The following PDSS1 variants were observed in gnomAD, a reference collection of about 807,000 sequenced individuals.
PDSS1 encodes decaprenyl diphosphate synthase subunit 1, also known as all trans-polyprenyl-diphosphate synthase PDSS1.
A neutral mutation model predicts 57.5 loss-of-function variants in PDSS1; 43 were observed. The ratio of observed to expected loss-of-function variants is 0.75; its 90% confidence interval spans 0.59 to 0.96. The LOEUF (loss-of-function observed/expected upper bound fraction) is 0.96, where lower values mean the gene tolerates loss of function less well. Among genes scored for constraint, PDSS1 ranks in the 50% least tolerant of loss-of-function variants. The pLI is 0.00. For missense variants in PDSS1, 438 were observed against 527.8 expected (o/e 0.83, Z 1.67); for synonymous variants, 175 against 191.3 (o/e 0.91, Z 0.70).
chr10:26,731,031 A>AC (rs1275602393), intron 8 of PDSS1, among the ~76,000 whole-genome samples: 1 of 151,772 alleles, frequency 6.6e-6, no homozygotes, highest in Non-Finnish European at 1.5e-5. Context: ...ACATGGTGAA[A>AC]CCCCTTCTCC....
At position 26,746,585 on chromosome 10, in the gene PDSS1, T is replaced by C; in HGVS notation, c.*112T>C. On this transcript the variant is annotated 3_prime_UTR_variant, in exon 12 of 12. Transcript: ENST00000376215. ...GATAACCAAAAATCATTTTAAAAGA[T>C]ATCAAACTTATTGATGGGCAATTTA... The C allele has an allele frequency of 1.7e-6, 2 of 1,157,150 alleles. No homozygotes were observed. The highest frequency in any genetic ancestry group is 1.9e-5 in the Admixed American group (1 of 52,412). 71.7% of individuals were successfully genotyped at this position (1,157,150 alleles called of 1,614,324 possible). A position where few individuals can be genotyped will look rare whatever the true frequency, so the allele number is the denominator to read the frequency against.
intron 6 of PDSS1, among the ~76,000 whole-genome samples, chr10:26,722,205 T>C (rs2132265054): frequency 6.6e-6 from 1 of 152,318 alleles, no homozygotes; most frequent in Non-Finnish European, 1.5e-5. Flanking sequence ...TGGGTACCTA[T>C]ATATCATAAT....
At chr10:26,743,323 G>A (rs1836693956) in intron 11 of PDSS1, among the ~76,000 whole-genome samples, 1 of 152,132 alleles carries the variant, frequency 6.6e-6, no homozygotes, top group African/African-American at 2.4e-5. Flanking sequence ...GAGTCGGAGT[G>A]AGCAAAAAAT....
intron 8 of PDSS1, among the ~76,000 whole-genome samples, chr10:26,726,816 C>T (rs1292668188): frequency 6.6e-6 from 1 of 152,148 alleles, no homozygotes; most frequent in African/African-American, 2.4e-5. Flanking sequence ...AATCCTAACA[C>T]TTTAGGAGGC....
intron 1 of PDSS1, among the ~76,000 whole-genome samples, chr10:26,699,384 T>G (rs534471866): frequency 1.4e-4 from 19 of 135,866 alleles, no homozygotes; most frequent in South Asian, 1.0e-3. Flanking sequence ...ACTACATGCT[T>G]CTTCTTCTTC....
intron 8 of PDSS1, among the ~76,000 whole-genome samples, chr10:26,727,542 C>T (rs1448558966): frequency 6.7e-6 from 1 of 149,896 alleles, no homozygotes; most frequent in Non-Finnish European, 1.5e-5. Context: ...GTTGCCCAGG[C>T]TGGAGCGCAG....
intron 2 of PDSS1, among the ~76,000 whole-genome samples, chr10:26,702,517 G>A (rs1835083143): frequency 6.6e-6 from 1 of 152,118 alleles, no homozygotes; most frequent in African/African-American, 2.4e-5. Context: ...TCTCCTTCCT[G>A]CTGCCTAGTG....
At chr10:26,707,339 C>G (rs1457561907) in intron 4 of PDSS1, among the ~76,000 whole-genome samples, 1 of 152,132 alleles carries the variant, frequency 6.6e-6, no homozygotes, top group Non-Finnish European at 1.5e-5. Context: ...GTTTTTGTAT[C>G]TATTGAGAGA....
chr10:26,740,559 C>G (rs543261615), intron 10 of PDSS1: 2 of 448,588 alleles, frequency 4.5e-6, no homozygotes, highest in Non-Finnish European at 9.0e-6. Context: ...CACTTGGCTG[C>G]GGCTTTTCTA....
chr10:26,697,891 T>C (rs1261885262), intron 1 of PDSS1, 51 bp downstream of exon 1: 4 of 1,242,872 alleles, frequency 3.2e-6, no homozygotes, highest in Non-Finnish European at 4.0e-6. Flanking sequence ...ACGGCTCCAA[T>C]GACAGCAGTG....
chr10:26,738,943 T>G (rs1043595729), intron 10 of PDSS1, among the ~76,000 whole-genome samples: 4 of 152,218 alleles, frequency 2.6e-5, no homozygotes, highest in Non-Finnish European at 5.9e-5. Context: ...AAACCTCATG[T>G]TAATTGGATT....
At chr10:26,729,544 C>T (rs1267956651) in intron 8 of PDSS1, among the ~76,000 whole-genome samples, 1 of 152,170 alleles carries the variant, frequency 6.6e-6, no homozygotes, top group Non-Finnish European at 1.5e-5. Flanking sequence ...CCTGGCTCCT[C>T]TTCTCCGCGG....
chr10:26,726,833 G>A (rs1467297557), intron 8 of PDSS1, among the ~76,000 whole-genome samples: 1 of 152,108 alleles, frequency 6.6e-6, no homozygotes, highest in Non-Finnish European at 1.5e-5. Flanking sequence ...AGGCCGAGGC[G>A]AGTGGATCAC....
rs186900617 is a variant in PDSS1 at position 26,726,639 on chromosome 10, A to T, written c.831+2516A>T. 7.0e-4 allele frequency among the ~76,000 whole-genome samples: 106 copies of T among 152,300 alleles called. No individual in the cohort carries two copies. In the Middle Eastern group the frequency reaches 0.01, roughly 15 times the overall value. Reference sequence around the variant, plus strand: ...AAAATGTATTGAGAATTGGAGGGAAACTTACAAGCTGCATTCTACTAAGGA... The same window carrying T: ...AAAATGTATTGAGAATTGGAGGGAATCTTACAAGCTGCATTCTACTAAGGA... On this transcript the variant is annotated intron_variant, in intron 8 of 11. Transcript: ENST00000376215.
intron 5 of PDSS1, among the ~76,000 whole-genome samples, 156 bp downstream of exon 5, chr10:26,709,924 G>A (rs1253809045): frequency 2.0e-5 from 3 of 152,056 alleles, no homozygotes; most frequent in Non-Finnish European, 4.4e-5. Flanking sequence ...AGCCTGAGGC[G>A]GGTGGATCGT....
At chr10:26,742,154 G>C (rs1836639279) in intron 10 of PDSS1, among the ~76,000 whole-genome samples, 1 of 152,238 alleles carries the variant, frequency 6.6e-6, no homozygotes, top group Admixed American at 6.5e-5. Flanking sequence ...TGGGATTACA[G>C]GCGTGTGCCA....
At chr10:26,734,929 A>G (rs941320270) in intron 8 of PDSS1, among the ~76,000 whole-genome samples, 1 of 152,224 alleles carries the variant, frequency 6.6e-6, no homozygotes, top group East Asian at 1.9e-4. Flanking sequence ...TTTACTTAGC[A>G]TGTTACCAGC....
rs1008107279 is a variant in PDSS1 at position 26,704,699 on chromosome 10, A to G, written c.185A>G (p.Lys62Arg). The G allele has an allele frequency of 2.8e-6, 4 of 1,435,830 alleles. No individual in the cohort carries two copies. In the African/African-American group the frequency reaches 5.6e-5, roughly 20 times the overall value. 88.9% of individuals were successfully genotyped at this position (1,435,830 alleles called of 1,614,324 possible). ...LSQIPYINLV[K>R]HLTSACPNVC... ...TAGATACCCTATATTAATCTTGTGA[A>G]GCATTTAACATCTGCCTGTCCAAAT... Residue 62 changes from lysine to arginine, a missense_variant, in exon 3 of 12, where the codon AAG (lysine) becomes AGG (arginine). This residue lies in a region of PDSS1 where 154 missense variants were observed against 137.0 expected (regional missense o/e 1.12). Coordinates refer to ENST00000376215, the MANE Select transcript of PDSS1 (RefSeq NM_014317.5).
At chr10:26,732,402 A>G (rs1836239685) in intron 8 of PDSS1, among the ~76,000 whole-genome samples, 1 of 152,244 alleles carries the variant, frequency 6.6e-6, no homozygotes, top group South Asian at 2.1e-4. Context: ...AGCTCTGTTC[A>G]GCATGTGTGG....
Sources: gnomAD v4.1 joint callset for allele counts (sites outside exome capture counted in the v4.1 genomes callset) on GRCh38, gnomAD v4.1.1 for gene constraint, gnomAD v4.1.1 regional missense constraint, MANE v1.5 for transcripts, NCBI Gene and HGNC (gene_info 2026-07-23, HGNC 2026-07-21) for gene names.